Variants in NAALADL2 observed in about 807,000 individuals in gnomAD.
NAALADL2 encodes inactive N-acetylated-alpha-linked acidic dipeptidase-like protein 2.
Under a neutral mutation model 87.2 loss-of-function variants are expected in NAALADL2, and 76 were observed. That is an observed-to-expected ratio of 0.87 (90% CI 0.72 to 1.05). NAALADL2 has a LOEUF of 1.05. Among genes scored for constraint, NAALADL2 ranks in the 50% least tolerant of loss-of-function variants. The pLI, the probability that NAALADL2 is intolerant of heterozygous loss-of-function variation, is 0.00. For synonymous variants in NAALADL2, 354 were observed against 331.0 expected (o/e 1.07, Z -0.75); for missense variants, 1,089 against 945.8 (o/e 1.15, Z -1.99).
chr3:174,638,521 A>C (rs1286773282), intron 2 of NAALADL2, among the ~76,000 whole-genome samples: 1 of 152,172 alleles, frequency 6.6e-6, no homozygotes, highest in Non-Finnish European at 1.5e-5. Flanking sequence ...AGCCTTTTGC[A>C]CATAGAAAAT....
At chr3:175,197,426 A>G (rs569684059) in intron 2 of NAALADL2, among the ~76,000 whole-genome samples, 1 of 152,020 alleles carries the variant, frequency 6.6e-6, no homozygotes, top group Non-Finnish European at 1.5e-5. Context: ...AGACTATGCA[A>G]TTAGTCTGCG....
intron 11 of NAALADL2, among the ~76,000 whole-genome samples, chr3:175,650,729 T>C (rs1279961221): frequency 2.0e-5 from 3 of 152,198 alleles, no homozygotes; most frequent in Non-Finnish European, 2.9e-5. Flanking sequence ...TTCTCATTCA[T>C]CCAAACTTAT....
chr3:175,157,812 A>G (rs907469416), intron 2 of NAALADL2, among the ~76,000 whole-genome samples: 3 of 152,076 alleles, frequency 2.0e-5, no homozygotes, highest in African/African-American at 7.2e-5. Context: ...GCATTTCCAG[A>G]TGGTGATTAA....
intron 9 of NAALADL2, among the ~76,000 whole-genome samples, chr3:175,546,272 C>G (rs1713301024): frequency 1.3e-5 from 2 of 152,062 alleles, no homozygotes; most frequent in South Asian, 4.1e-4. Context: ...TTATTTTGAG[C>G]ATATGTATGT....
chr3:174,518,362 C>T lies in NAALADL2; in HGVS notation c.-183-32207C>T, dbSNP rs115365112. Among the ~76,000 whole-genome samples the T allele has an allele frequency of 2.1e-3, 323 of 152,208 alleles. 1 individual carries two copies. The highest frequency in any genetic ancestry group is 7.3e-3 in the African/African-American group (305 of 41,532). On this transcript the variant is annotated intron_variant, in intron 1 of 3. Transcript: ENST00000434257. ...ATACTTTCTGTCCAGTAATGGGAGG[C>T]TTAGGGATAGTTTTTTACATAAAAT...
At chr3:175,454,113 T>C (rs1721978853) in intron 6 of NAALADL2, among the ~76,000 whole-genome samples, 1 of 152,100 alleles carries the variant, frequency 6.6e-6, no homozygotes, top group Admixed American at 6.6e-5. Context: ...GCAAATAATT[T>C]CCAATTTAAA....
intron 6 of NAALADL2, among the ~76,000 whole-genome samples, chr3:175,451,844 T>C (rs1189053133): frequency 6.6e-6 from 1 of 152,116 alleles, no homozygotes; most frequent in African/African-American, 2.4e-5. Context: ...TTATGAAAAT[T>C]ACTTTTATTA....
At chr3:175,350,191 C>T (rs1763614404) in intron 5 of NAALADL2, among the ~76,000 whole-genome samples, 1 of 152,004 alleles carries the variant, frequency 6.6e-6, no homozygotes, top group African/African-American at 2.4e-5. Context: ...TTTTGATACT[C>T]CTTGCTCTCT....
intron 1 of NAALADL2, among the ~76,000 whole-genome samples, chr3:174,506,964 CT>C (rs1719243759): frequency 6.6e-6 from 1 of 151,772 alleles, no homozygotes; most frequent in Non-Finnish European, 1.5e-5. Context: ...ATATTTTAGC[CT>C]TTTCCCCTAA....
intron 11 of NAALADL2, among the ~76,000 whole-genome samples, chr3:175,693,680 A>C (rs1379157095): frequency 6.6e-6 from 1 of 151,948 alleles, no homozygotes; most frequent in East Asian, 1.9e-4. Flanking sequence ...AAAGTGACAG[A>C]TTTAGTTTTG....
intron 2 of NAALADL2, among the ~76,000 whole-genome samples, chr3:174,564,288 C>A (rs1713974315): frequency 1.3e-5 from 2 of 152,034 alleles, no homozygotes; most frequent in South Asian, 4.1e-4. Context: ...TGGTTTACAT[C>A]CTTTGGGAAA....
intron 1 of NAALADL2, among the ~76,000 whole-genome samples, chr3:174,997,803 C>T (rs1233140748): frequency 2.0e-5 from 3 of 151,524 alleles, no homozygotes; most frequent in East Asian, 3.9e-4. Flanking sequence ...GGCAGAAGAG[C>T]AAAACTCTGT....
chr3:175,778,020 C>T (rs1002942405), intron 13 of NAALADL2, among the ~76,000 whole-genome samples: 8 of 152,178 alleles, frequency 5.3e-5, no homozygotes, highest in South Asian at 2.1e-4. Flanking sequence ...GTGTATACCA[C>T]TACTATTGGC....
chr3:174,442,137 A>T (rs1714699497), intron 1 of NAALADL2, among the ~76,000 whole-genome samples: 1 of 152,154 alleles, frequency 6.6e-6, no homozygotes, highest in Non-Finnish European at 1.5e-5. Context: ...TTCTGTGCTG[A>T]CTGGTGACAG....
chr3:175,792,602 A>G (rs1386889984), intron 13 of NAALADL2, among the ~76,000 whole-genome samples: 16 of 152,186 alleles, frequency 1.1e-4, no homozygotes, highest in Admixed American at 1.0e-3. Flanking sequence ...AACTATATCT[A>G]TAATTGTAAA....
At chr3:174,604,716 GTTT>G (rs557890727) in intron 2 of NAALADL2, among the ~76,000 whole-genome samples, 1 of 149,616 alleles carries the variant, frequency 6.7e-6, no homozygotes, top group South Asian at 2.1e-4. Flanking sequence ...ATGTAATCTA[GTTT>G]TTATTTTTTG....
chr3:175,106,132 G>T (rs1580475172), intron 2 of NAALADL2, among the ~76,000 whole-genome samples: 2 of 151,968 alleles, frequency 1.3e-5, no homozygotes, highest in East Asian at 3.9e-4. Context: ...TATCCATTTG[G>T]TTACAAACTG....
chr3:175,030,775 A>G (rs1461932989), intron 1 of NAALADL2, among the ~76,000 whole-genome samples: 1 of 152,100 alleles, frequency 6.6e-6, no homozygotes, highest in Admixed American at 6.6e-5. Flanking sequence ...AGAGTTTACT[A>G]TTAGCAAGCT....
chr3:175,289,855 A>G (rs1755433913), intron 4 of NAALADL2, among the ~76,000 whole-genome samples: 1 of 152,144 alleles, frequency 6.6e-6, no homozygotes, highest in Non-Finnish European at 1.5e-5. Context: ...AAATATTCTC[A>G]ATATATAACT....
Sources: gnomAD v4.1 joint callset for allele counts (sites outside exome capture counted in the v4.1 genomes callset) on GRCh38, gnomAD v4.1.1 for gene constraint, MANE v1.5 for transcripts, NCBI Gene and HGNC (gene_info 2026-07-23, HGNC 2026-07-21) for gene names.